SPAG16: variants seen among roughly 807,000 people sequenced by gnomAD.
SPAG16 encodes the protein sperm-associated antigen 16 protein.
SPAG16 carries 86 observed loss-of-function variants against 80.4 expected under a neutral mutation model. The observed-to-expected ratio is 1.07, with a 90% CI of 0.90 to 1.28. The LOEUF (loss-of-function observed/expected upper bound fraction) is 1.28. SPAG16 is among the 50% of genes most tolerant of loss of function. SPAG16 has a pLI of 0.00. For missense variants in SPAG16, 870 were observed against 765.3 expected (o/e 1.14, Z -1.61); for synonymous variants, 294 against 265.9 (o/e 1.11, Z -1.03).
In SPAG16 at chr2:213,753,281, G is replaced by A. The variant is rs141601918; in HGVS notation, c.1071-109204G>A. Among the ~76,000 whole-genome samples the A allele has an allele frequency of 2.4e-4, 36 of 152,210 alleles. No individual in the cohort carries two copies. The East Asian group carries it at 7.0e-3, about 29-fold the overall frequency. ...CCTGCCTCGGCCTCCCAAAGTGCTGGGATTACACGTGTGAGCTGCTGCGCC... is the reference window on the plus strand; with the variant it reads ...CCTGCCTCGGCCTCCCAAAGTGCTGAGATTACACGTGTGAGCTGCTGCGCC... On this transcript the variant is annotated intron_variant, in intron 10 of 15. Transcript: ENST00000331683.
intron 10 of SPAG16, among the ~76,000 whole-genome samples, chr2:213,720,697 G>A (rs574875598): frequency 6.6e-6 from 1 of 150,886 alleles, no homozygotes; most frequent in East Asian, 1.9e-4. Context: ...GAAGGGTTTG[G>A]GATATATTCA....
At chr2:213,902,121 A>T (rs1476052116) in intron 11 of SPAG16, among the ~76,000 whole-genome samples, 1 of 152,232 alleles carries the variant, frequency 6.6e-6, no homozygotes, top group East Asian at 1.9e-4. Context: ...TTCAATAAAA[A>T]ATATTTTTCT....
At chr2:214,242,527 C>G (rs1026875138) in intron 15 of SPAG16, among the ~76,000 whole-genome samples, 1 of 152,084 alleles carries the variant, frequency 6.6e-6, no homozygotes, top group Non-Finnish European at 1.5e-5. Context: ...TAATTCTTGA[C>G]CAGTAAGAAG....
intron 10 of SPAG16, among the ~76,000 whole-genome samples, chr2:213,600,542 A>G (rs1255406262): frequency 2.0e-5 from 3 of 152,220 alleles, no homozygotes; most frequent in African/African-American, 7.2e-5. Flanking sequence ...AAATGAAAGT[A>G]TAGTATAGAT....
chr2:213,567,400 A>G (rs2059812272), intron 10 of SPAG16, among the ~76,000 whole-genome samples: 1 of 90,994 alleles, frequency 1.1e-5, no homozygotes. Flanking sequence ...ACCCCACCAC[A>G]GTCCCCAGAG....
In SPAG16 at chr2:213,672,519, C is replaced by T. The variant is rs372247511; in HGVS notation, c.1070+182429C>T. ...GTGCGTCACTGATTACTTTTTTGTTCCATTGTTTACATTTCCCGTCATCTT... is the reference window on the plus strand; with the variant it reads ...GTGCGTCACTGATTACTTTTTTGTTTCATTGTTTACATTTCCCGTCATCTT... On this transcript the variant is annotated intron_variant, in intron 10 of 15. Transcript: ENST00000331683. Among the ~76,000 whole-genome samples, 6 of 152,022 alleles carry T rather than the reference C, an allele frequency of 3.9e-5. No homozygotes were observed. In the South Asian group the frequency reaches 1.0e-3, roughly 26 times the overall value.
intron 4 of SPAG16, among the ~76,000 whole-genome samples, chr2:213,313,087 AT>A (rs908456860): frequency 3.3e-5 from 5 of 151,708 alleles, no homozygotes; most frequent in Admixed American, 6.6e-5. Context: ...CCATAAGAAT[AT>A]TTTTTCCCCA....
intron 15 of SPAG16, among the ~76,000 whole-genome samples, chr2:214,215,527 A>G (rs890741148): frequency 7.9e-5 from 12 of 152,176 alleles, no homozygotes; most frequent in Non-Finnish European, 1.8e-4. Context: ...GCCTTCTAGG[A>G]AGTCTCTTGC....
intron 10 of SPAG16, among the ~76,000 whole-genome samples, chr2:213,523,192 G>A (rs571074806): frequency 7.5e-4 from 114 of 152,210 alleles, no homozygotes; most frequent in Non-Finnish European, 1.1e-3. Flanking sequence ...GATAGTGAGG[G>A]ATTTCTTACA....
intron 13 of SPAG16, among the ~76,000 whole-genome samples, chr2:214,094,509 G>T (rs897655263): frequency 6.6e-6 from 1 of 151,994 alleles, no homozygotes. Context: ...CAAGCTTTCT[G>T]CTTGGTTCTT....
At chr2:213,413,960 C>T (rs915365264) in intron 9 of SPAG16, among the ~76,000 whole-genome samples, 1 of 152,040 alleles carries the variant, frequency 6.6e-6, no homozygotes, top group African/African-American at 2.4e-5. Flanking sequence ...ATAGAATAGC[C>T]CTGGTCTGTT....
chr2:214,102,980 G>A (rs1034022248), intron 13 of SPAG16, among the ~76,000 whole-genome samples: 2 of 152,124 alleles, frequency 1.3e-5, no homozygotes, highest in African/African-American at 4.8e-5. Flanking sequence ...GATTCTTCGC[G>A]TAGGGTGGGC....
chr2:214,182,343 A>C (rs1239151647), intron 15 of SPAG16, among the ~76,000 whole-genome samples: 1 of 151,790 alleles, frequency 6.6e-6, no homozygotes, highest in Non-Finnish European at 1.5e-5. Context: ...CCAGTAGTAC[A>C]CTGGATATTC....
At position 214,051,183 on chromosome 2, in the gene SPAG16, C is replaced by T. The variant is rs922057115; in HGVS notation, c.1527+37106C>T. On this transcript the variant is annotated intron_variant, in intron 13 of 15. Coordinates refer to ENST00000331683, the MANE Select transcript of SPAG16 (RefSeq NM_024532.5). ...CCAGAAGTTACCCTTTCAAGGACGA[C>T]GTAAAATATGATTCTGCTAATGCTA... is the stretch of plus-strand genomic sequence containing the variant. Among the ~76,000 whole-genome samples, 44 of 152,150 alleles carry T rather than the reference C, an allele frequency of 2.9e-4. 1 individual carries two copies. The highest frequency in any genetic ancestry group is 1.9e-3 in the East Asian group (10 of 5,194).
rs377631429 is a variant in SPAG16 at position 213,371,845 on chromosome 2, A to G, written c.833-3165A>G. On this transcript the variant is annotated intron_variant, in intron 8 of 15. Transcript: ENST00000331683. ...TAGAAAATTCAGACAATGATAAAAT[A>G]TATTTTAAAGAATCACCCCGTAATT... Among the ~76,000 whole-genome samples, 9 of 152,300 alleles carry G rather than the reference A, an allele frequency of 5.9e-5. No individual in the cohort carries two copies. In the East Asian group the frequency reaches 1.7e-3, roughly 29 times the overall value.
At chr2:214,400,056 A>G (rs1701619093) in intron 15 of SPAG16, among the ~76,000 whole-genome samples, 1 of 152,044 alleles carries the variant, frequency 6.6e-6, no homozygotes, top group Admixed American at 6.6e-5. Flanking sequence ...TTAGGACTTT[A>G]GGTGCATTTC....
rs576354766 is a variant in SPAG16, at chr2:213,966,068, C to A, written c.1400+35923C>A. Among the ~76,000 whole-genome samples, 10 of 152,234 alleles carry A rather than the reference C, an allele frequency of 6.6e-5. No individual in the cohort carries two copies. In the East Asian group the frequency reaches 1.2e-3, roughly 18 times the overall value. On this transcript the variant is annotated intron_variant, in intron 12 of 15. Coordinates refer to ENST00000331683, the MANE Select transcript of SPAG16 (RefSeq NM_024532.5). ...ATCTGTTAGCATTAGAATAGAGTTT[C>A]TGCAACATATACCTAGGGCAGAGGA... is the stretch of plus-strand genomic sequence containing the variant.
intron 15 of SPAG16, among the ~76,000 whole-genome samples, chr2:214,232,517 T>C (rs1210359724): frequency 6.6e-6 from 1 of 151,992 alleles, no homozygotes; most frequent in East Asian, 1.9e-4. Context: ...TCTTATAGTG[T>C]GTTGAGAAAT....
At chr2:213,801,218 C>CGT (rs2071375091) in intron 10 of SPAG16, among the ~76,000 whole-genome samples, 1 of 152,036 alleles carries the variant, frequency 6.6e-6, no homozygotes, top group Non-Finnish European at 1.5e-5. Flanking sequence ...AGGAGCTTTG[C>CGT]GTGTGTGTGT....
Sources: allele counts gnomAD v4.1 joint callset (sites outside exome capture counted in the v4.1 genomes callset), GRCh38; gene constraint gnomAD v4.1.1; transcripts MANE v1.5; gene names NCBI Gene and HGNC (gene_info 2026-07-23, HGNC 2026-07-21).